The following NELL1 variants were observed in gnomAD, a reference collection of about 807,000 sequenced individuals.
The protein encoded by NELL1 is protein kinase C-binding protein NELL1.
NELL1 carries 76 observed loss-of-function variants against 107.4 expected under a neutral mutation model. That is an observed-to-expected ratio of 0.71 (90% CI 0.59 to 0.86). The LOEUF is 0.86. Ranked by LOEUF, NELL1 falls within the 40% of genes least tolerant of loss-of-function variation. The probability of loss-of-function intolerance (pLI) is 0.00; values close to 1 mark genes in which losing one functional copy is unlikely to be tolerated. For missense variants in NELL1, 1,024 were observed against 1,005.5 expected (o/e 1.02, Z -0.25); for synonymous variants, 353 against 341.2 (o/e 1.03, Z -0.38).
At chr11:21,338,783 A>C (rs1850494557) in intron 14 of NELL1, among the ~76,000 whole-genome samples, 1 of 152,210 alleles carries the variant, frequency 6.6e-6, no homozygotes, top group African/African-American at 2.4e-5. Context: ...ATGTTTATAA[A>C]GCATGGAAGT....
intron 5 of NELL1, among the ~76,000 whole-genome samples, chr11:20,907,927 C>T (rs1850039990): frequency 6.6e-6 from 1 of 151,986 alleles, no homozygotes; most frequent in South Asian, 2.1e-4. Flanking sequence ...AAGACATTTA[C>T]ACGGCCAAAA....
At chr11:21,341,950 G>T (rs1421542675) in intron 14 of NELL1, among the ~76,000 whole-genome samples, 3 of 152,062 alleles carry the variant, frequency 2.0e-5, no homozygotes, top group Admixed American at 6.5e-5. Context: ...TTGTTTATGT[G>T]TATGAGTTAT....
At chr11:20,994,618 C>T (rs1401475084) in intron 12 of NELL1, among the ~76,000 whole-genome samples, 1 of 151,842 alleles carries the variant, frequency 6.6e-6, no homozygotes, top group Non-Finnish European at 1.5e-5. Flanking sequence ...TACATATGTC[C>T]CCAAAGTGGT....
intron 3 of NELL1, among the ~76,000 whole-genome samples, chr11:20,800,694 A>C (rs1451286584): frequency 6.6e-6 from 1 of 152,176 alleles, no homozygotes. Flanking sequence ...CCTCATCTCT[A>C]AGATGGGTGC....
chr11:21,519,685 C>G (rs2133954112), intron 15 of NELL1, among the ~76,000 whole-genome samples: 1 of 152,046 alleles, frequency 6.6e-6, no homozygotes, highest in Admixed American at 6.6e-5. Flanking sequence ...GTGCCTGCCC[C>G]CAGGATGAAG....
At chr11:21,232,159 A>AAAATATATAT (rs1554985116) in intron 14 of NELL1, among the ~76,000 whole-genome samples, 5 of 73,208 alleles carry the variant, frequency 6.8e-5, no homozygotes, top group Non-Finnish European at 1.4e-4. Context: ...AAAAAAAAAA[A>AAAATATATAT]ATATATATAT....
chr11:20,794,262 A>T (rs988551969), intron 3 of NELL1, among the ~76,000 whole-genome samples: 6 of 152,298 alleles, frequency 3.9e-5, no homozygotes, highest in Admixed American at 2.0e-4. Context: ...CTCTGTCTTG[A>T]TTGGTTGAGG....
At chr11:21,493,872 T>C (rs973767438) in intron 15 of NELL1, among the ~76,000 whole-genome samples, 6 of 152,036 alleles carry the variant, frequency 3.9e-5, no homozygotes, top group African/African-American at 1.4e-4. Flanking sequence ...CCTATAAATA[T>C]GTAAAATATT....
At chr11:20,673,548 C>T (rs945053878) in intron 1 of NELL1, among the ~76,000 whole-genome samples, 3 of 152,170 alleles carry the variant, frequency 2.0e-5, no homozygotes, top group Non-Finnish European at 4.4e-5. Context: ...GGGCTGTGGG[C>T]CCGAGCATTC....
At chr11:21,000,204 A>G (rs1852185080) in intron 12 of NELL1, among the ~76,000 whole-genome samples, 1 of 152,132 alleles carries the variant, frequency 6.6e-6, no homozygotes. Context: ...AGCACGGCAC[A>G]TGTATACATA....
At chr11:21,362,412 G>C (rs1464340015) in intron 14 of NELL1, among the ~76,000 whole-genome samples, 1 of 152,206 alleles carries the variant, frequency 6.6e-6, no homozygotes, top group African/African-American at 2.4e-5. Flanking sequence ...AAGTGAAGTA[G>C]ACTCTATGAG....
At chr11:21,168,676 C>T (rs546254833) in intron 13 of NELL1, among the ~76,000 whole-genome samples, 2 of 151,906 alleles carry the variant, frequency 1.3e-5, no homozygotes, top group African/African-American at 4.9e-5. Flanking sequence ...TTTCTTAATC[C>T]TCCTAAAATC....
intron 14 of NELL1, among the ~76,000 whole-genome samples, chr11:21,333,990 A>G (rs1209341965): frequency 6.6e-6 from 1 of 152,042 alleles, no homozygotes; most frequent in Non-Finnish European, 1.5e-5. Flanking sequence ...ACACACAATT[A>G]CTTAAGGGCC....
intron 4 of NELL1, among the ~76,000 whole-genome samples, chr11:20,861,202 T>C (rs1214414632): frequency 3.9e-5 from 6 of 152,232 alleles, no homozygotes; most frequent in African/African-American, 9.6e-5. Flanking sequence ...GTGGTCATTA[T>C]TAGCAGTTTT....
chr11:20,691,708 G>A (rs1012950380), intron 2 of NELL1, among the ~76,000 whole-genome samples: 1 of 151,590 alleles, frequency 6.6e-6, no homozygotes, highest in Admixed American at 6.6e-5. Flanking sequence ...GAGGATTTTT[G>A]CATCAATGTC....
In NELL1 at chr11:20,669,592, C is replaced by T. The variant is rs369092237; in HGVS notation, c.-132C>T. The T allele has an allele frequency of 3.0e-6, 2 of 673,512 alleles. No homozygotes were observed. The highest frequency in any genetic ancestry group is 1.9e-5 in the African/African-American group (1 of 54,044). The allele number at this position is 673,512 out of a possible 1,614,324, so 41.7% of individuals were successfully genotyped here. On this transcript the variant is annotated 5_prime_UTR_variant, in exon 1 of 20. Transcript: ENST00000357134. This position sits in a 1 kb window ranked among gnomAD's most constrained non-coding sequence, Gnocchi z 4.4. ...GCGCATATGCGAGCGCAGCACCCGG[C>T]GCTGCCGAGCCACCTCCCCCGCCGC...
intron 3 of NELL1, among the ~76,000 whole-genome samples, chr11:20,791,301 G>T (rs1857068629): frequency 6.6e-6 from 1 of 151,978 alleles, no homozygotes; most frequent in South Asian, 2.1e-4. Flanking sequence ...CGTGGCTTTT[G>T]TTAATTTATT....
At chr11:21,231,768 T>C (rs935802474) in intron 14 of NELL1, among the ~76,000 whole-genome samples, 4 of 152,176 alleles carry the variant, frequency 2.6e-5, no homozygotes, top group Non-Finnish European at 5.9e-5. Flanking sequence ...GGGAAACATA[T>C]CTTCCCTTGA....
chr11:21,519,635 T>C (rs1274496572), intron 15 of NELL1, among the ~76,000 whole-genome samples: 3 of 151,506 alleles, frequency 2.0e-5, no homozygotes, highest in African/African-American at 7.3e-5. Flanking sequence ...AGGTGGAAGG[T>C]GTATCACTCA....
Sources: allele counts gnomAD v4.1 joint callset (sites outside exome capture counted in the v4.1 genomes callset), GRCh38; gene constraint gnomAD v4.1.1; non-coding constraint Gnocchi (gnomAD v3.1); transcripts MANE v1.5; gene names NCBI Gene and HGNC (gene_info 2026-07-23, HGNC 2026-07-21).